The following LAMA2 variants were observed in gnomAD, a reference collection of about 807,000 sequenced individuals.
LAMA2 encodes laminin subunit alpha-2.
A neutral mutation model predicts 364.8 loss-of-function variants in LAMA2; 269 were observed. The ratio of observed to expected loss-of-function variants is 0.74; its 90% CI spans 0.67 to 0.82. The LOEUF is 0.82. LAMA2 is among the 40% of genes least tolerant of loss of function. The pLI is 0.00. For missense variants in LAMA2, 3,807 were observed against 3,873.2 expected, an observed-to-expected ratio of 0.98 and a Z score of 0.45; for synonymous variants, 1,379 against 1,370.6, an observed-to-expected ratio of 1.01 and a Z score of -0.14.
intron 54 of LAMA2, 102 bp downstream of exon 54, chr6:129,478,915 C>G: frequency 9.7e-7 from 1 of 1,026,492 alleles, no homozygotes; most frequent in South Asian, 1.3e-5. Context: ...ATATATTTTA[C>G]TTTTCTACTG....
intron 62 of LAMA2, 110 bp from the exon 63 acceptor site, chr6:129,512,253 A>G (rs1342519510): frequency 1.9e-6 from 2 of 1,068,406 alleles, no homozygotes; most frequent in Non-Finnish European, 2.8e-6. Context: ...CCCTCATTAG[A>G]ATTAGCTAGC....
chr6:129,389,683 A>G (rs1472782119), intron 35 of LAMA2, among the ~76,000 whole-genome samples: 1 of 152,230 alleles, frequency 6.6e-6, no homozygotes, highest in Non-Finnish European at 1.5e-5. Context: ...ATTTACGATC[A>G]TGGCAGAAGG....
At position 129,493,712 on chromosome 6, in the gene LAMA2, G is replaced by T. The variant is rs181362299; in HGVS notation, c.8244+1229G>T. ...TATATGTAATTCTCATAACGGCTCT[G>T]TAAAATATAGTCTTTCTACTTTTAG... On this transcript the variant is annotated intron_variant, in intron 58 of 64. Coordinates refer to ENST00000421865, the MANE Select transcript of LAMA2 (RefSeq NM_000426.4). Among the ~76,000 whole-genome samples the T allele has an allele frequency of 3.1e-4, 47 of 152,284 alleles. No individual in the cohort carries two copies. The East Asian group carries it at 6.9e-3, about 22-fold the overall frequency.
intron 45 of LAMA2, among the ~76,000 whole-genome samples, chr6:129,451,048 C>T (rs1782650303): frequency 6.6e-6 from 1 of 152,162 alleles, no homozygotes; most frequent in Admixed American, 6.6e-5. Context: ...CTCTACTGTG[C>T]TGTCTTTCTC....
intron 40 of LAMA2, among the ~76,000 whole-genome samples, chr6:129,409,560 C>T (rs4397252): frequency 0.5 from 76,268 of 152,018 alleles, 19,627 homozygotes; most frequent in African/African-American, 0.62. Context: ...ACTTGATGAC[C>T]TACAGTCAAA....
chr6:128,899,826 A>C (rs573020436), intron 1 of LAMA2, among the ~76,000 whole-genome samples: 1 of 152,194 alleles, frequency 6.6e-6, no homozygotes, highest in African/African-American at 2.4e-5. Context: ...GCAGTATTTA[A>C]GCTTTGGATA....
intron 1 of LAMA2, among the ~76,000 whole-genome samples, chr6:128,893,920 C>T (rs917490115): frequency 6.6e-6 from 1 of 151,994 alleles, no homozygotes; most frequent in Non-Finnish European, 1.5e-5. Flanking sequence ...TCATTTCTGC[C>T]TCTGCGTTCA....
Position 129,454,264 on chromosome 6 carries a change from A to G in LAMA2, c.6683A>G (p.Tyr2228Cys), listed in dbSNP as rs1782841749. ...CCAGATTTGACTATTGATGACTCAT[A>G]TTGGTACCGTATCGTAGCATCAAGG... ...EYPDLTIDDS[Y>C]WYRIVASRTG... The change falls in exon 47 of 65, where the codon TAT (tyrosine) becomes TGT (cysteine). Residue 2228 changes from tyrosine to cysteine, a missense_variant. Physicochemically the swap from Tyr to Cys is radical, Grantham distance 194. This residue lies in a region of LAMA2 where 3,333 missense variants were observed against 3,345.7 expected (regional missense o/e 1.00). Transcript: ENST00000421865. The G allele has an allele frequency of 6.2e-7, 1 of 1,611,896 alleles. No homozygotes were observed. Among genetic ancestry groups the G allele is most frequent in the Non-Finnish European group, 8.5e-7 (1 of 1,178,270 alleles).
rs1450790879 is a variant in LAMA2 at position 129,503,282 on chromosome 6, T to C, written c.8547+2T>C. 1 of 1,612,364 alleles carries C rather than the reference T, an allele frequency of 6.2e-7. No homozygotes were observed. Among genetic ancestry groups the C allele is most frequent in the African/African-American group, 1.3e-5 (1 of 74,884 alleles). On this transcript the variant is annotated splice_donor_variant, in intron 60 of 64. Coordinates refer to ENST00000421865, the MANE Select transcript of LAMA2 (RefSeq NM_000426.4). LOFTEE classifies it high-confidence loss of function. The stretch of plus-strand genomic sequence containing the variant: ...ATCAATGATGGCCAGTGGCACAAGG[T>C]AATAGTCCCCTGGATATTGGCAGTA...
chr6:129,076,085 C>T (rs1773615826), intron 3 of LAMA2, among the ~76,000 whole-genome samples: 1 of 151,340 alleles, frequency 6.6e-6, no homozygotes, highest in Non-Finnish European at 1.5e-5. Context: ...GACGCTGTCT[C>T]AAAACAAAAC....
intron 58 of LAMA2, among the ~76,000 whole-genome samples, chr6:129,502,322 A>G (rs1202752854): frequency 1.3e-5 from 2 of 152,254 alleles, no homozygotes; most frequent in African/African-American, 2.4e-5. Flanking sequence ...TCTTCTAAGA[A>G]TAGAGCTCTT....
At chr6:129,252,514 T>C (rs1786337660) in intron 14 of LAMA2, among the ~76,000 whole-genome samples, 1 of 152,216 alleles carries the variant, frequency 6.6e-6, no homozygotes, top group South Asian at 2.1e-4. Flanking sequence ...TTATTGATGA[T>C]TCTTTCACAA....
At chr6:128,893,789 T>C (rs187347333) in intron 1 of LAMA2, among the ~76,000 whole-genome samples, 465 of 152,104 alleles carry the variant, frequency 3.1e-3, no homozygotes, top group African/African-American at 0.011. Flanking sequence ...TACTAATTAA[T>C]TTAAAATACC....
intron 3 of LAMA2, among the ~76,000 whole-genome samples, chr6:129,097,212 T>C (rs1044474052): frequency 6.6e-6 from 1 of 152,244 alleles, no homozygotes; most frequent in Non-Finnish European, 1.5e-5. Context: ...GTCTCATTAT[T>C]ACAATATATT....
At chr6:129,228,736 G>A (rs1030370497) in intron 12 of LAMA2, among the ~76,000 whole-genome samples, 7 of 152,174 alleles carry the variant, frequency 4.6e-5, no homozygotes, top group Admixed American at 2.0e-4. Flanking sequence ...GTAAATGTAG[G>A]CATAAGAAAA....
intron 36 of LAMA2, among the ~76,000 whole-genome samples, chr6:129,392,556 C>G (rs771749509): frequency 1.8e-4 from 27 of 152,108 alleles, no homozygotes; most frequent in Non-Finnish European, 1.0e-4. Context: ...CAAAAACTTC[C>G]AGATCAATCA....
intron 14 of LAMA2, 56 bp downstream of exon 14, chr6:129,252,351 C>T: frequency 7.4e-7 from 1 of 1,347,764 alleles, no homozygotes; most frequent in Middle Eastern, 1.8e-4. Flanking sequence ...GGCCAAGGTG[C>T]AGGAGCCGCC....
chr6:128,962,728 A>G (rs1363078970), intron 1 of LAMA2, among the ~76,000 whole-genome samples: 1 of 152,228 alleles, frequency 6.6e-6, no homozygotes, highest in Non-Finnish European at 1.5e-5. Flanking sequence ...TGGGTACTAA[A>G]GAAGTCTATA....
At chr6:129,313,215 A>C in intron 23 of LAMA2, 118 bp downstream of exon 23, 1 of 655,806 alleles carries the variant, frequency 1.5e-6, no homozygotes, top group Non-Finnish European at 2.7e-6. Context: ...AAACAGATGG[A>C]CAAAATCTCA....
Sources: gnomAD v4.1 joint callset for allele counts (sites outside exome capture counted in the v4.1 genomes callset) on GRCh38, gnomAD v4.1.1 for gene constraint, gnomAD v4.1.1 regional missense constraint, MANE v1.5 for transcripts, NCBI Gene and HGNC (gene_info 2026-07-23, HGNC 2026-07-21) for gene names.